The following ANKS1B variants were observed in gnomAD, a reference collection of about 807,000 sequenced individuals.
ANKS1B encodes the protein ankyrin repeat and sterile alpha motif domain-containing protein 1B.
A neutral mutation model predicts 148.3 loss-of-function variants in ANKS1B; 36 were observed. The observed-to-expected ratio is 0.24, with a 90% CI of 0.19 to 0.32. ANKS1B has a LOEUF of 0.32. ANKS1B is among the 10% of genes least tolerant of loss of function. ANKS1B has a pLI of 1.00. For missense variants in ANKS1B, 1,157 were observed against 1,542.6 expected, an observed-to-expected ratio of 0.75 and a Z score of 4.19; for synonymous variants, 542 against 560.8, an observed-to-expected ratio of 0.97 and a Z score of 0.47.
chr12:99,540,008 A>C (rs1054972804), intron 9 of ANKS1B, among the ~76,000 whole-genome samples: 2 of 152,194 alleles, frequency 1.3e-5, no homozygotes, highest in Non-Finnish European at 2.9e-5. Flanking sequence ...AGATAACTTC[A>C]GTGACTATAC....
chr12:99,672,131 G>T (rs1201073449), intron 8 of ANKS1B, among the ~76,000 whole-genome samples: 2 of 151,972 alleles, frequency 1.3e-5, no homozygotes, highest in African/African-American at 4.8e-5. Context: ...AGGTTCAAAT[G>T]CCAGAATTGG....
chr12:99,828,690 TA>T (rs1419623171), intron 1 of ANKS1B, among the ~76,000 whole-genome samples: 1 of 152,004 alleles, frequency 6.6e-6, no homozygotes, highest in Admixed American at 6.6e-5. Flanking sequence ...AAATCAGAGA[TA>T]AAATCAGTAG....
At chr12:98,991,326 G>C (rs930767002) in intron 17 of ANKS1B, among the ~76,000 whole-genome samples, 6 of 152,104 alleles carry the variant, frequency 3.9e-5, no homozygotes, top group African/African-American at 1.4e-4. Context: ...TTGCATATAG[G>C]GTACACAGAA....
chr12:99,165,357 G>C (rs2077093291), intron 14 of ANKS1B, among the ~76,000 whole-genome samples: 1 of 151,794 alleles, frequency 6.6e-6, no homozygotes. Context: ...GAGATGATTA[G>C]TCCAACTGGT....
intron 17 of ANKS1B, among the ~76,000 whole-genome samples, chr12:98,912,437 C>T (rs1193609961): frequency 6.6e-6 from 1 of 152,114 alleles, no homozygotes; most frequent in African/African-American, 2.4e-5. Context: ...CAACTTTTTC[C>T]CCCTTAAGTC....
At position 99,584,163 on chromosome 12, in the gene ANKS1B, T is replaced by C. The variant is rs187706024; in HGVS notation, c.1272+70904A>G. On this transcript the variant is annotated intron_variant, in intron 9 of 26. Transcript: ENST00000683438. ...GGTGAATTAGGCATTTAACAATTTA[T>C]TCAGAAAAATGTGCCAGCACCTCAA... Among the ~76,000 whole-genome samples the C allele has an allele frequency of 2.6e-4, 40 of 152,316 alleles. No homozygotes were observed. The East Asian group carries it at 7.7e-3, about 29-fold the overall frequency.
chr12:99,706,381 A>T (rs2055773977), intron 8 of ANKS1B: 1 of 152,030 alleles, frequency 6.6e-6, no homozygotes, highest in East Asian at 1.9e-4. Context: ...TTCAAGTAAA[A>T]TCCTCTAAAA....
rs565549775 is a variant in ANKS1B, at chr12:98,846,083, T to C, written c.2779-13947A>G. ...CCTAAGGGTGGTTTATTGACAGTCT[T>C]TAATTCTTCCCTAGATATCTGGAAT... On this transcript the variant is annotated intron_variant, in intron 17 of 26. Coordinates refer to ENST00000683438, the MANE Select transcript of ANKS1B (RefSeq NM_001352186.2). Among the ~76,000 whole-genome samples, 15 of 152,044 alleles carry C rather than the reference T, an allele frequency of 9.9e-5. No individual in the cohort carries two copies. In the South Asian group the frequency reaches 3.1e-3, roughly 32 times the overall value.
chr12:99,648,759 T>C lies in ANKS1B; in HGVS notation c.1272+6308A>G, dbSNP rs770586124. 45 of 1,612,930 alleles carry C rather than the reference T, an allele frequency of 2.8e-5. No homozygotes were observed. In the South Asian group the frequency reaches 4.5e-4, roughly 16 times the overall value. On this transcript the variant is annotated intron_variant, in intron 9 of 26. Transcript: ENST00000683438. ...TAGCTGGGAACACATTGGACTCATC[T>C]GTGTTGGAGGAAGTGCAGAGGAGCC...
Position 99,939,270 on chromosome 12 carries a change from T to C in ANKS1B, c.134+44834A>G, listed in dbSNP as rs114022646. Among the ~76,000 whole-genome samples the C allele has an allele frequency of 8.9e-3, 1,360 of 152,204 alleles. 28 individuals carry two copies. Among genetic ancestry groups the C allele is most frequent in the African/African-American group, 0.031 (1,285 of 41,530 alleles). ...CACAGCCAGGTACTTTTCTATTTTTTGTAGAGATGGGATCTCACTGTGTTT... is the reference window on the plus strand; with the variant it reads ...CACAGCCAGGTACTTTTCTATTTTTCGTAGAGATGGGATCTCACTGTGTTT... On this transcript the variant is annotated intron_variant, in intron 1 of 26. Transcript: ENST00000683438.
intron 9 of ANKS1B, among the ~76,000 whole-genome samples, chr12:99,599,000 C>T (rs6538918): frequency 0.65 from 98,055 of 151,702 alleles, 31,702 homozygotes; most frequent in Admixed American, 0.7. Context: ...TGACTGCCAG[C>T]ATCCCCTGGC....
chr12:99,463,973 G>A (rs187996182), intron 10 of ANKS1B, among the ~76,000 whole-genome samples: 230 of 152,280 alleles, frequency 1.5e-3, no homozygotes, highest in African/African-American at 5.4e-3. Context: ...ATCTGAGAAG[G>A]GACAGACTGC....
intron 1 of ANKS1B, among the ~76,000 whole-genome samples, chr12:99,938,086 C>T (rs2094825323): frequency 6.6e-6 from 1 of 152,074 alleles, no homozygotes; most frequent in Admixed American, 6.6e-5. Flanking sequence ...AAAGAATAAG[C>T]AAAGGTGACA....
chr12:99,520,134 G>GT (rs896131201), intron 9 of ANKS1B, among the ~76,000 whole-genome samples: 2 of 151,996 alleles, frequency 1.3e-5, no homozygotes, highest in African/African-American at 4.8e-5. Context: ...AATATTCTCT[G>GT]TTTTTTTCTG....
rs538486655 is a variant in ANKS1B, at chr12:99,323,861, C to A, written c.1756+75770G>T. ...GAAAGGCAGTGAAGTGAGACTCAAG[C>A]GATTTAAATTCTCATCTTGCTTCAC... On this transcript the variant is annotated intron_variant, in intron 12 of 26. Transcript: ENST00000683438. Among the ~76,000 whole-genome samples, 4 of 152,186 alleles carry A rather than the reference C, an allele frequency of 2.6e-5. No individual in the cohort carries two copies. In the East Asian group the frequency reaches 7.7e-4, roughly 29 times the overall value.
At chr12:99,295,328 G>A (rs547085359) in intron 12 of ANKS1B, among the ~76,000 whole-genome samples, 201 of 152,152 alleles carry the variant, frequency 1.3e-3, no homozygotes, top group Middle Eastern at 6.8e-3. Context: ...ATGCTGATTT[G>A]TCATCTGAAT....
intron 1 of ANKS1B, among the ~76,000 whole-genome samples, chr12:99,861,966 G>A (rs112964516): frequency 0.011 from 1,707 of 151,660 alleles, 11 homozygotes; most frequent in South Asian, 0.04. Context: ...AAAAGGAAGC[G>A]GGTGGGGCGG....
intron 8 of ANKS1B, among the ~76,000 whole-genome samples, chr12:99,747,268 C>T (rs546180063): frequency 6.6e-6 from 1 of 152,232 alleles, no homozygotes. Context: ...AACTTATCCT[C>T]TTTCTAACAC....
At chr12:99,645,057 C>T (rs10860482) in intron 9 of ANKS1B, among the ~76,000 whole-genome samples, 84,495 of 152,074 alleles carry the variant, frequency 0.56, 24,282 homozygotes, top group Admixed American at 0.64. Flanking sequence ...GTTCCTCTGC[C>T]ACATAAGGTA....
Sources: allele counts gnomAD v4.1 joint callset (sites outside exome capture counted in the v4.1 genomes callset), GRCh38; gene constraint gnomAD v4.1.1; transcripts MANE v1.5; gene names NCBI Gene and HGNC (gene_info 2026-07-23, HGNC 2026-07-21).